The following RHOC variants were observed in gnomAD, a reference collection of about 807,000 sequenced individuals.
RHOC encodes the protein ras homolog family member C, also known as rho-related GTP-binding protein RhoC.
In RHOC, 13 loss-of-function variants were observed where a neutral mutation model predicts 19.5. The observed-to-expected ratio is 0.67, with a 90% CI of 0.43 to 1.06. RHOC has a LOEUF of 1.06. RHOC is among the 50% of genes least tolerant of loss of function. The pLI is 0.00. For missense variants in RHOC, 173 were observed against 256.9 expected, an observed-to-expected ratio of 0.67 and a Z score of 2.23; for synonymous variants, 106 against 97.3, an observed-to-expected ratio of 1.09 and a Z score of -0.52.
chr1:112,706,473 CACACACACACACACACACACACACACACA>C (rs1674873914), intron 1 of RHOC, among the ~76,000 whole-genome samples: 38 of 3,382 alleles, frequency 0.011, 1 homozygote, highest in African/African-American at 0.024. Context: ...ACCACACACA[CACACACACACACACACACACACACACACA>C]CACACACACA....
intron 3 of RHOC, chr1:112,703,411 G>T: frequency 1.4e-6 from 1 of 718,470 alleles, no homozygotes; most frequent in Non-Finnish European, 2.5e-6. Context: ...AGGTGGGGGA[G>T]CTTAAACCCA....
At chr1:112,705,649 A>C in intron 1 of RHOC, 1 of 456,878 alleles carries the variant, frequency 2.2e-6, no homozygotes, top group African/African-American at 2.0e-5. Flanking sequence ...TCCTCCAAAA[A>C]GAGGGTTCCT....
In RHOC at chr1:112,702,533, CA is replaced by C. The variant is rs113144723; in HGVS notation, c.408+29del. On this transcript the variant is annotated intron_variant, in intron 5 of 5. Coordinates refer to ENST00000339083, the MANE Select transcript of RHOC (RefSeq NM_175744.5). ...ACCCCTCAGAGGGTGCATTCTTCCC[CA>C]GGGGCTCCAGCCTGGCAGCCGTACC... 2.4e-3 allele frequency: 3,875 copies of C among 1,611,350 alleles called. 91 individuals carry two copies. The African/African-American group carries it at 0.046, about 19-fold the overall frequency.
Position 112,701,935 on chromosome 1 carries a change from C to G in RHOC, c.409-222G>C, listed in dbSNP as rs1429692936. On this transcript the variant is annotated intron_variant, in intron 5 of 5. Transcript: ENST00000339083. ...ATGCAGCCCCACCTCCTCCCACACA[C>G]AGCCCCTGGTTCTCTTGCCTGAATG... is the stretch of plus-strand genomic sequence containing the variant. Among the ~76,000 whole-genome samples, 4 of 152,106 alleles carry G rather than the reference C, an allele frequency of 2.6e-5. No individual in the cohort carries two copies. The East Asian group carries it at 7.7e-4, about 29-fold the overall frequency.
chr1:112,706,430 T>TCCACACACACACACAC (rs1491269480), intron 1 of RHOC, among the ~76,000 whole-genome samples: 2 of 49,694 alleles, frequency 4.0e-5, no homozygotes, highest in Non-Finnish European at 8.1e-5. Context: ...TCTCTCTCTC[T>TCCACACACACACACAC]ACACACACAC....
rs1470978307 is a variant in RHOC at position 112,705,066 on chromosome 1, C to T, written c.-8+34G>A. The T allele has an allele frequency of 4.3e-6, 3 of 702,648 alleles. No individual in the cohort carries two copies. The Admixed American group carries it at 6.0e-5, about 14-fold the overall frequency. The allele number at this position is 702,648 out of a possible 1,614,324, so 43.5% of individuals were successfully genotyped here. ...AGTTCATCACACCTTCGCAGCTTCC[C>T]TCACTTCCTCCTTCCCTGGGGAGGG... is the stretch of plus-strand genomic sequence containing the variant. On this transcript the variant is annotated intron_variant, in intron 2 of 5. Coordinates refer to ENST00000339083, the MANE Select transcript of RHOC (RefSeq NM_175744.5).
intron 1 of RHOC, chr1:112,705,674 C>T (rs1314744798): frequency 2.2e-6 from 1 of 456,336 alleles, no homozygotes; most frequent in South Asian, 1.5e-5. Context: ...AATTCTATCC[C>T]GGTGACTGAC....
At chr1:112,705,380 A>T in intron 1 of RHOC, 1 of 609,612 alleles carries the variant, frequency 1.6e-6, no homozygotes, top group Non-Finnish European at 3.0e-6. Context: ...CCCCACCACC[A>T]CCTCACACTG....
chr1:112,706,458 CACACACCACACACACACACACA>C (rs1674862412), intron 1 of RHOC, among the ~76,000 whole-genome samples: 17 of 24,910 alleles, frequency 6.8e-4, no homozygotes, highest in African/African-American at 2.1e-3. Flanking sequence ...CACACACACA[CACACACCACACACACACACACA>C]CACACACACA....
chr1:112,703,606 G>GT, intron 3 of RHOC, 38 bp downstream of exon 3: 2 of 1,362,538 alleles, frequency 1.5e-6, no homozygotes, highest in South Asian at 2.6e-5. Flanking sequence ...GGGGGGCGGG[G>GT]TCTCAGGGTG....
intron 1 of RHOC, chr1:112,706,631 G>T (rs1674902970): frequency 6.6e-6 from 1 of 152,240 alleles, no homozygotes; most frequent in African/African-American, 2.4e-5. Flanking sequence ...AGCAGTGGCA[G>T]GCCCCAATGG....
chr1:112,705,921 C>T (rs907647951), intron 1 of RHOC: 1 of 333,560 alleles, frequency 3.0e-6, no homozygotes, highest in Non-Finnish European at 6.0e-6. Context: ...TTGAGGCATG[C>T]GTTAAGGGAC....
chr1:112,703,443 G>A, intron 3 of RHOC: 1 of 726,332 alleles, frequency 1.4e-6, no homozygotes, highest in Non-Finnish European at 2.5e-6. Flanking sequence ...ACTCGGCCCA[G>A]GTTACAGAGC....
At chr1:112,706,464 C>CCACACACACA (rs57078670) in intron 1 of RHOC, among the ~76,000 whole-genome samples, 1 of 23,046 alleles carries the variant, frequency 4.3e-5, no homozygotes, top group African/African-American at 2.1e-4. Context: ...CACACACACA[C>CCACACACACA]CACACACACA....
intron 1 of RHOC, chr1:112,705,828 C>A: frequency 2.7e-6 from 1 of 375,596 alleles, no homozygotes; most frequent in East Asian, 7.3e-5. Context: ...GTCACTTAGG[C>A]ATGAGTATGC....
intron 4 of RHOC, 46 bp from the exon 5 acceptor site, chr1:112,702,739 A>G (rs947512622): frequency 6.2e-7 from 1 of 1,611,678 alleles, no homozygotes; most frequent in Non-Finnish European, 8.5e-7. Context: ...CACTTAAGCT[A>G]GAAAGCTCCC....
At chr1:112,702,913 T>G in intron 4 of RHOC, 86 bp downstream of exon 4, 9 of 638,446 alleles carry the variant, frequency 1.4e-5, no homozygotes, top group Non-Finnish European at 2.0e-5. Context: ...CACCCCCACC[T>G]CTGAAGATGA....
chr1:112,705,017 A>G (rs1674790201), intron 2 of RHOC, 83 bp downstream of exon 2: 2 of 677,522 alleles, frequency 3.0e-6, no homozygotes, highest in Admixed American at 2.0e-5. Flanking sequence ...CCCCACCCCC[A>G]GCACACACAG....
intron 1 of RHOC, among the ~76,000 whole-genome samples, chr1:112,706,471 CACACACACA>C (rs1674872738): frequency 3.0e-4 from 1 of 3,356 alleles, no homozygotes; most frequent in Non-Finnish European, 1.0e-3. Context: ...ACACCACACA[CACACACACA>C]CACACACACA....
Sources: gnomAD v4.1 joint callset for allele counts (sites outside exome capture counted in the v4.1 genomes callset) on GRCh38, gnomAD v4.1.1 for gene constraint, MANE v1.5 for transcripts, NCBI Gene and HGNC (gene_info 2026-07-23, HGNC 2026-07-21) for gene names.